The following PHACTR1 variants were observed in gnomAD, a reference collection of about 807,000 sequenced individuals.
The protein encoded by PHACTR1 is RPEL repeat containing 1.
PHACTR1 carries 16 observed loss-of-function variants against 69.2 expected under a neutral mutation model. That is an observed-to-expected ratio of 0.23 (90% CI 0.16 to 0.35). PHACTR1 has a LOEUF of 0.35. Ranked by LOEUF, PHACTR1 falls within the 10% of genes least tolerant of loss-of-function variation. The pLI is 1.00. For missense variants in PHACTR1, 510 were observed against 734.7 expected, an observed-to-expected ratio of 0.69 and a Z score of 3.54; for synonymous variants, 312 against 284.5, an observed-to-expected ratio of 1.10 and a Z score of -0.97.
chr6:12,934,054 T>A, intron 4 of PHACTR1: 1 of 1,387,538 alleles, frequency 7.2e-7, no homozygotes, highest in Non-Finnish European at 9.5e-7. Context: ...CAAATCAAGG[T>A]GTTGGTGGGG....
intron 4 of PHACTR1, among the ~76,000 whole-genome samples, chr6:12,934,776 C>T (rs993510046): frequency 1.3e-5 from 2 of 151,482 alleles, no homozygotes; most frequent in African/African-American, 2.4e-5. Context: ...GCAGAGGTTG[C>T]GGTGAGCCAA....
chr6:12,753,869 A>G (rs566843617), intron 4 of PHACTR1, among the ~76,000 whole-genome samples: 12 of 151,842 alleles, frequency 7.9e-5, no homozygotes, highest in Middle Eastern at 3.4e-3. Context: ...ATGGAGGCCC[A>G]TGATATAGAG....
At chr6:12,818,683 G>C (rs1383375434) in intron 4 of PHACTR1, among the ~76,000 whole-genome samples, 1 of 152,108 alleles carries the variant, frequency 6.6e-6, no homozygotes, top group Non-Finnish European at 1.5e-5. Flanking sequence ...TGACAGCTTT[G>C]TTCCAATAAA....
chr6:13,141,724 C>CTTTTTTTTTTTTTTTTTTTTT (rs577073698), intron 5 of PHACTR1, among the ~76,000 whole-genome samples: 1 of 89,814 alleles, frequency 1.1e-5, no homozygotes. Context: ...TTTCTTCTTT[C>CTTTTTTTTTTTTTTTTTTTTT]TTTTTTTTTT....
At chr6:12,755,919 C>T (rs1475982434) in intron 4 of PHACTR1, among the ~76,000 whole-genome samples, 1 of 152,130 alleles carries the variant, frequency 6.6e-6, no homozygotes, top group African/African-American at 2.4e-5. Context: ...TTGGAATTCA[C>T]AGAAAGAAGG....
chr6:13,023,430 C>A (rs771753598), intron 4 of PHACTR1, among the ~76,000 whole-genome samples: 1 of 152,186 alleles, frequency 6.6e-6, no homozygotes, highest in African/African-American at 2.4e-5. Flanking sequence ...TATTTTGGCA[C>A]ATGGAGATTT....
At chr6:12,955,845 C>T (rs1582682943) in intron 4 of PHACTR1, among the ~76,000 whole-genome samples, 1 of 152,122 alleles carries the variant, frequency 6.6e-6, no homozygotes, top group Non-Finnish European at 1.5e-5. Context: ...GTAGGAGACC[C>T]GTCTTCTAAC....
intron 10 of PHACTR1, among the ~76,000 whole-genome samples, chr6:13,268,351 C>T (rs1777113468): frequency 6.6e-6 from 1 of 152,192 alleles, no homozygotes; most frequent in Non-Finnish European, 1.5e-5. Context: ...CAGTTTGCAA[C>T]CTCTGACTAG....
chr6:13,160,387 A>G, intron 6 of PHACTR1, 103 bp downstream of exon 6: 2 of 1,043,416 alleles, frequency 1.9e-6, no homozygotes, highest in Non-Finnish European at 3.0e-6. Context: ...ACCAGATATC[A>G]GGATTTGAAC....
At chr6:13,104,644 ATTG>A (rs1305024974) in intron 5 of PHACTR1, among the ~76,000 whole-genome samples, 3 of 152,270 alleles carry the variant, frequency 2.0e-5, no homozygotes, top group African/African-American at 7.2e-5. Context: ...TTTCATTCTC[ATTG>A]TTGTCTAGGA....
intron 5 of PHACTR1, among the ~76,000 whole-genome samples, chr6:13,155,445 TC>T (rs1758033911): frequency 6.6e-6 from 1 of 152,174 alleles, no homozygotes; most frequent in African/African-American, 2.4e-5. Context: ...CCTCTCAGCT[TC>T]CTCAGACATG....
chr6:12,960,908 A>T (rs927983126), intron 4 of PHACTR1, among the ~76,000 whole-genome samples: 4 of 152,168 alleles, frequency 2.6e-5, no homozygotes, highest in Admixed American at 6.5e-5. Flanking sequence ...GTCTCCTAAC[A>T]TGGGGATTTA....
chr6:12,915,511 AAAAAAAAAAG>A (rs1214462218), intron 4 of PHACTR1, among the ~76,000 whole-genome samples: 1 of 149,660 alleles, frequency 6.7e-6, no homozygotes, highest in African/African-American at 2.5e-5. Flanking sequence ...TCTCTCAAAA[AAAAAAAAAAG>A]AAAAAAAAAA....
chr6:13,228,092 GT>G, intron 9 of PHACTR1, 29 bp downstream of exon 9: 1 of 1,594,274 alleles, frequency 6.3e-7, no homozygotes, highest in Non-Finnish European at 8.5e-7. Flanking sequence ...ATCACCAGGG[GT>G]GGGGAAGCAT....
intron 6 of PHACTR1, among the ~76,000 whole-genome samples, chr6:13,180,010 G>A (rs1761983109): frequency 6.6e-6 from 1 of 152,064 alleles, no homozygotes; most frequent in Non-Finnish European, 1.5e-5. Flanking sequence ...TTTCATAATA[G>A]CATAAGTCTA....
At chr6:12,953,953 T>A (rs760259247) in intron 4 of PHACTR1, among the ~76,000 whole-genome samples, 7 of 152,210 alleles carry the variant, frequency 4.6e-5, no homozygotes, top group Admixed American at 1.3e-4. Context: ...AAGATTATAG[T>A]TGAATGTGAT....
At chr6:12,986,044 C>T (rs1364167362) in intron 4 of PHACTR1, among the ~76,000 whole-genome samples, 1 of 152,172 alleles carries the variant, frequency 6.6e-6, no homozygotes, top group Non-Finnish European at 1.5e-5. Flanking sequence ...CCATGTTAGC[C>T]AGGCTGGTCT....
At chr6:12,805,515 G>A (rs905223882) in intron 4 of PHACTR1, among the ~76,000 whole-genome samples, 1 of 152,012 alleles carries the variant, frequency 6.6e-6, no homozygotes, top group African/African-American at 2.4e-5. Context: ...TCCTGGAATG[G>A]CTATTCTCTG....
chr6:13,247,875 A>T (rs1223259887), intron 10 of PHACTR1, among the ~76,000 whole-genome samples: 1 of 130,510 alleles, frequency 7.7e-6, no homozygotes, highest in Non-Finnish European at 1.5e-5. Context: ...TTTAAAAAAA[A>T]ACAAAAATTT....
Sources: allele counts gnomAD v4.1 joint callset (sites outside exome capture counted in the v4.1 genomes callset), GRCh38; gene constraint gnomAD v4.1.1; transcripts MANE v1.5; gene names NCBI Gene and HGNC (gene_info 2026-07-23, HGNC 2026-07-21).